The following SETD1B variants were observed in gnomAD, a reference collection of about 807,000 sequenced individuals.
The protein encoded by SETD1B is SET domain containing 1B, histone lysine methyltransferase.
In SETD1B, 7 loss-of-function variants were observed where a neutral mutation model predicts 148.0. That is an observed-to-expected ratio of 0.05 (90% CI 0.03 to 0.09). SETD1B has a LOEUF of 0.09. Ranked by LOEUF, SETD1B falls within the 10% of genes least tolerant of loss-of-function variation. The probability of loss-of-function intolerance (pLI) is 1.00; values close to 1 mark genes in which losing one functional copy is unlikely to be tolerated. For missense variants in SETD1B, 2,155 were observed against 2,729.9 expected, an observed-to-expected ratio of 0.79 and a Z score of 4.69; for synonymous variants, 1,361 against 1,186.5, an observed-to-expected ratio of 1.15 and a Z score of -3.02.
chr12:121,793,401 T>G, the SETD1B span: 3 of 1,494,664 alleles, frequency 2.0e-6, no homozygotes, highest in South Asian at 3.6e-5. Context: ...CGGCCGCCTG[T>G]CCGTGCTCGG....
chr12:121,826,540 G>A (rs1876849328), intron 13 of SETD1B, among the ~76,000 whole-genome samples: 1 of 152,168 alleles, frequency 6.6e-6, no homozygotes, highest in African/African-American at 2.4e-5. Flanking sequence ...GGAAGGGAGA[G>A]GCCACTTGTG....
rs1449184549 is a variant in SETD1B at position 121,822,519 on chromosome 12, C to T, written c.3940C>T (p.Pro1314Ser). 6.5e-7 allele frequency: 1 copy of T among 1,549,762 alleles called. No homozygotes were observed. The highest frequency in any genetic ancestry group is 8.7e-7 in the Non-Finnish European group (1 of 1,145,680). The change falls in exon 12 of 17, where the codon CCT (proline) becomes TCT (serine). Residue 1314 changes from proline (P) to serine (S), a missense_variant. By Grantham distance (74) the Pro-to-Ser change is moderately conservative (BLOSUM62 -1). Transcript: ENST00000604567. ...TGACCTGGAAGTGGAGCCGGAGCCC[C>T]CTATGATGCTCCCCTTGCCGCTGCA... ...EHDLEVEPEP[P>S]MMLPLPLQPP...
intron 4 of SETD1B, among the ~76,000 whole-genome samples, chr12:121,807,240 A>G (rs1451013709): frequency 6.6e-6 from 1 of 152,074 alleles, no homozygotes; most frequent in African/African-American, 2.4e-5. Flanking sequence ...CTCTCAGGGC[A>G]CAGCCCTCTT....
rs376274057 is a variant in SETD1B, at chr12:121,805,163, G to A, written c.220G>A (p.Val74Ile). ...PVEIVEDPRV[V>I]GIWTKNKELE... is the part of the protein sequence containing the mutation. ...GGAAATTGTCGAAGATCCCCGGGTC[G>A]TCGGGATCTGGACCAAAAACAAGGA... Residue 74 changes from valine to isoleucine, a missense_variant, in exon 3 of 17, where the codon GTC (valine) becomes ATC (isoleucine). Physicochemically the swap from Val to Ile is conservative, Grantham distance 29. This residue lies in a region of SETD1B where 124 missense variants were observed against 282.9 expected (regional missense o/e 0.44). Transcript: ENST00000604567. This position sits in a 1 kb window ranked among gnomAD's most constrained non-coding sequence, Gnocchi z 4.2. 2 of 1,551,496 alleles carry A rather than the reference G, an allele frequency of 1.3e-6. No individual in the cohort carries two copies. Among genetic ancestry groups the A allele is most frequent in the African/African-American group, 1.4e-5 (1 of 73,048 alleles).
the SETD1B span, among the ~76,000 whole-genome samples, chr12:121,794,938 G>A: frequency 6.6e-6 from 1 of 152,200 alleles, no homozygotes; most frequent in Admixed American, 6.5e-5. Flanking sequence ...ATAGGGGCTG[G>A]CAGGACTCAG....
chr12:121,822,388 G>A, intron 11 of SETD1B, 102 bp from the exon 12 acceptor site: 2 of 1,385,290 alleles, frequency 1.4e-6, no homozygotes, highest in Non-Finnish European at 1.9e-6. Context: ...CCCGTGCTCA[G>A]ACTCAGGGCT....
chr12:121,822,352 A>G (rs1248409350), intron 11 of SETD1B, 138 bp from the exon 12 acceptor site: 4 of 982,236 alleles, frequency 4.1e-6, no homozygotes, highest in African/African-American at 1.6e-5. Context: ...GGAGTCCTTG[A>G]GGGGTTTAGC....
At chr12:121,812,478 A>T (rs1025854711) in intron 6 of SETD1B, among the ~76,000 whole-genome samples, 6 of 151,734 alleles carry the variant, frequency 4.0e-5, no homozygotes, top group African/African-American at 1.5e-4. Flanking sequence ...TGCTCCCGGC[A>T]CCGCCAGGCC....
chr12:121,795,867 G>C, the SETD1B span: 1 of 152,732 alleles, frequency 6.5e-6, no homozygotes, highest in African/African-American at 2.4e-5. Context: ...CTCTGCTTAT[G>C]ACAGCACAAG....
Position 121,805,144 on chromosome 12 carries a change from T to A in SETD1B, c.201T>A (p.Ile67=). The change falls in exon 3 of 17, where the codon ATT becomes ATA. Residue 67 remains isoleucine, a synonymous_variant. Coordinates refer to ENST00000604567, the MANE Select transcript of SETD1B (RefSeq NM_001353345.2). This position sits in a 1 kb window ranked among gnomAD's most constrained non-coding sequence, Gnocchi z 4.2. ...LAMSSNRPVE[I]VEDPRVVGIW... ...TGTCCAGCAACCGCCCGGTGGAAAT[T>A]GTCGAAGATCCCCGGGTCGTCGGGA... is the stretch of plus-strand genomic sequence containing the variant. The A allele has an allele frequency of 1.3e-6, 2 of 1,551,562 alleles. No individual in the cohort carries two copies. The highest frequency in any genetic ancestry group is 2.4e-5 in the South Asian group (2 of 84,048).
At position 121,809,812 on chromosome 12, in the gene SETD1B, C is replaced by T; in HGVS notation, c.867C>T (p.Tyr289=). Residue 289 remains tyrosine (Y), a synonymous_variant, in exon 6 of 17, where the codon TAC becomes TAT. Coordinates refer to ENST00000604567, the MANE Select transcript of SETD1B (RefSeq NM_001353345.2). ...LGTPFSQDSS[Y]SSRQPTPSYL... is the part of the protein sequence containing the mutation. Reference sequence around the variant, plus strand: ...CCCCTTTCTCACAGGACTCCAGCTACTCCAGCCGCCAGCCCACACCCTCAT... The same window carrying T: ...CCCCTTTCTCACAGGACTCCAGCTATTCCAGCCGCCAGCCCACACCCTCAT... 1.9e-6 allele frequency: 3 copies of T among 1,551,580 alleles called. No homozygotes were observed. Among genetic ancestry groups the T allele is most frequent in the South Asian group, 2.4e-5 (2 of 84,052 alleles).
chr12:121,821,892 C>A (rs902092264), intron 11 of SETD1B, among the ~76,000 whole-genome samples: 1 of 152,082 alleles, frequency 6.6e-6, no homozygotes, highest in African/African-American at 2.4e-5. Flanking sequence ...TCAAGACCAG[C>A]CTAGGCAACA....
intron 14 of SETD1B, 21 bp from the exon 15 acceptor site, chr12:121,827,714 T>TC: frequency 2.6e-6 from 4 of 1,551,646 alleles, no homozygotes; most frequent in Non-Finnish European, 3.5e-6. Context: ...GGCTCACCTC[T>TC]CCCCCTCTTC....
At chr12:121,818,562 C>CA (rs60436736) in intron 10 of SETD1B, among the ~76,000 whole-genome samples, 30,751 of 150,324 alleles carry the variant, frequency 0.2, 3,496 homozygotes, top group African/African-American at 0.31. Flanking sequence ...CACTCCACCT[C>CA]AAAAAAAATA....
chr12:121,815,741 G>A (rs1876261826), intron 7 of SETD1B, among the ~76,000 whole-genome samples: 1 of 151,116 alleles, frequency 6.6e-6, no homozygotes, highest in African/African-American at 2.4e-5. Flanking sequence ...GAACTCCTAG[G>A]CTCAAGTGAT....
Position 121,805,857 on chromosome 12 carries a change from C to G in SETD1B, c.296C>G (p.Pro99Arg), listed in dbSNP as rs1186651214. 2 of 1,551,538 alleles carry G rather than the reference C, an allele frequency of 1.3e-6. No homozygotes were observed. Among genetic ancestry groups the G allele is most frequent in the South Asian group, 1.2e-5 (1 of 84,050 alleles). Residue 99 changes from proline to arginine, a missense_variant, in exon 4 of 17, where the codon CCG becomes CGG. By Grantham distance (103) the Pro-to-Arg change is moderately radical. Coordinates refer to ENST00000604567, the MANE Select transcript of SETD1B (RefSeq NM_001353345.2). The surrounding 1 kb of genome is among the most constrained non-coding windows in gnomAD (Gnocchi z 4.2). Reference sequence around the variant, plus strand: ...CAGATCGATGAGTTCTACGTGGGCCCGGTGCCTCCGAAGCAGGTGACATTT... The same window carrying G: ...CAGATCGATGAGTTCTACGTGGGCCGGGTGCCTCCGAAGCAGGTGACATTT... ...KFKIDEFYVG[P>R]VPPKQVTFAK...
the SETD1B span, among the ~76,000 whole-genome samples, chr12:121,790,904 C>T: frequency 0.028 from 4,201 of 152,230 alleles, 201 homozygotes; most frequent in East Asian, 0.21. Flanking sequence ...AACAGGGTCT[C>T]GCTCTGTTGC....
At chr12:121,815,007 C>T in intron 7 of SETD1B, 77 bp downstream of exon 7, 1 of 1,322,158 alleles carries the variant, frequency 7.6e-7, no homozygotes, top group South Asian at 1.4e-5. Flanking sequence ...TCCTCTTTCC[C>T]TGAGACTGTT....
At chr12:121,793,259 G>A in the SETD1B span, 12 of 1,549,438 alleles carry the variant, frequency 7.7e-6, no homozygotes, top group Admixed American at 2.2e-4. Context: ...AGGGGGTCGG[G>A]TTGGTCCTTA....
Sources: gnomAD v4.1 joint callset for allele counts (sites outside exome capture counted in the v4.1 genomes callset) on GRCh38, gnomAD v4.1.1 for gene constraint, gnomAD v4.1.1 regional missense constraint, Gnocchi (gnomAD v3.1) non-coding constraint, MANE v1.5 for transcripts, NCBI Gene and HGNC (gene_info 2026-07-23, HGNC 2026-07-21) for gene names.